The following MUL1 variants were observed in gnomAD, a reference collection of about 807,000 sequenced individuals.
MUL1 encodes the protein mitochondrial E3 ubiquitin protein ligase 1, also known as mitochondrial ubiquitin ligase activator of NFKB 1.
A neutral mutation model predicts 34.1 loss-of-function variants in MUL1; 30 were observed. The ratio of observed to expected loss-of-function variants is 0.88; its 90% CI spans 0.66 to 1.19. MUL1 has a LOEUF of 1.19. Among genes scored for constraint, MUL1 ranks in the 50% most tolerant of loss-of-function variants. MUL1 has a pLI of 0.00. For synonymous variants in MUL1, 191 were observed against 187.8 expected, an observed-to-expected ratio of 1.02 and a Z score of -0.14; for missense variants, 419 against 450.5, an observed-to-expected ratio of 0.93 and a Z score of 0.63.
At position 20,501,477 on chromosome 1, in the gene MUL1, A is replaced by G. The variant is rs112738588; in HGVS notation, c.330-58T>C. 703 of 1,544,384 alleles carry G rather than the reference A, an allele frequency of 4.6e-4. 6 individuals are homozygous for G. The African/African-American group carries it at 8.4e-3, about 18-fold the overall frequency. ...AGCAAACAGCAAACACCCAGGCAGAACTGGAGATCAACTAAATGTGGAGGA... is the reference window on the plus strand; with the variant it reads ...AGCAAACAGCAAACACCCAGGCAGAGCTGGAGATCAACTAAATGTGGAGGA... On this transcript the variant is annotated intron_variant, in intron 3 of 3. Transcript: ENST00000264198. This position sits in a 1 kb window ranked among gnomAD's most constrained non-coding sequence, Gnocchi z 4.2.
Position 20,501,379 on chromosome 1 carries a change from C to A in MUL1, c.370G>T (p.Val124Leu). The A allele has an allele frequency of 2.5e-6, 4 of 1,614,064 alleles. No homozygotes were observed. The highest frequency in any genetic ancestry group is 3.4e-6 in the Non-Finnish European group (4 of 1,180,020). The change falls in exon 4 of 4, where the codon GTG (valine) becomes TTG (leucine). Residue 124 changes from valine (V) to leucine (L), a missense_variant. Coordinates refer to ENST00000264198, the MANE Select transcript of MUL1 (RefSeq NM_024544.3). This position sits in a 1 kb window ranked among gnomAD's most constrained non-coding sequence, Gnocchi z 4.2. ...SKIIHQRTNT[V>L]PFDLVPHEDG... ...TCGTGGGGCACCAGGTCAAAGGGCA[C>A]TGTGTTGGTCCTCTGATGAATGATC...
chr1:20,506,064 G>T (rs1393898476), intron 1 of MUL1, among the ~76,000 whole-genome samples: 1 of 152,146 alleles, frequency 6.6e-6, no homozygotes, highest in East Asian at 1.9e-4. Context: ...GCAGGGACTG[G>T]AGTTCACACA....
At position 20,501,832 on chromosome 1, in the gene MUL1, G is replaced by A. The variant is rs1160300318; in HGVS notation, c.329+237C>T. 6.6e-6 allele frequency among the ~76,000 whole-genome samples: 1 copy of A among 152,170 alleles called. No homozygotes were observed. Among genetic ancestry groups the A allele is most frequent in the East Asian group, 1.9e-4 (1 of 5,196 alleles). On this transcript the variant is annotated intron_variant, in intron 3 of 3. Coordinates refer to ENST00000264198, the MANE Select transcript of MUL1 (RefSeq NM_024544.3). The surrounding 1 kb of genome is among the most constrained non-coding windows in gnomAD (Gnocchi z 4.2). ...AATTCTGGTTGGATAAGTCACCAGG[G>A]ACTGACTTATCCACTTCAGGGACTG...
chr1:20,504,756 A>C (rs1361982387), intron 1 of MUL1, among the ~76,000 whole-genome samples: 3 of 152,244 alleles, frequency 2.0e-5, no homozygotes, highest in African/African-American at 7.2e-5. Flanking sequence ...CAAGCATTTA[A>C]TACATTATTT....
chr1:20,507,288 A>G (rs905997779), intron 1 of MUL1, among the ~76,000 whole-genome samples: 9 of 152,244 alleles, frequency 5.9e-5, no homozygotes, highest in African/African-American at 2.2e-4. Context: ...AAAAAGCGCC[A>G]TTTATAAAAA....
rs1221722282 is a variant in MUL1, at chr1:20,502,108, T to C, written c.290A>G (p.Gln97Arg). The change falls in exon 3 of 4, where the codon CAG becomes CGG. Residue 97 changes from glutamine (Q) to arginine (R), a missense_variant. Physicochemically the swap from Gln to Arg is conservative, Grantham distance 43. Coordinates refer to ENST00000264198, the MANE Select transcript of MUL1 (RefSeq NM_024544.3). ...TCGATTCCACACCATCTTGTGCTCC[T>C]GAAGTGTCAGCCGCTGAATTACCCC... ...CKGVIQRLTL[Q>R]EHKMVWNRTT... 1.2e-6 allele frequency: 2 copies of C among 1,613,972 alleles called. No homozygotes were observed. The highest frequency in any genetic ancestry group is 1.3e-5 in the African/African-American group (1 of 74,922).
chr1:20,505,198 G>A (rs1259859898), intron 1 of MUL1, among the ~76,000 whole-genome samples: 1 of 152,130 alleles, frequency 6.6e-6, no homozygotes, highest in Non-Finnish European at 1.5e-5. Context: ...TGGCACATAG[G>A]AGGCACGCAA....
intron 1 of MUL1, among the ~76,000 whole-genome samples, chr1:20,505,582 CAAAAAAA>C (rs11338654): frequency 5.2e-5 from 3 of 57,158 alleles, no homozygotes; most frequent in African/African-American, 1.5e-4. Context: ...GACCATGTCT[CAAAAAAA>C]AAAAAAAAAA....
At chr1:20,506,855 A>AAAAAAG (rs1283026616) in intron 1 of MUL1, among the ~76,000 whole-genome samples, 2 of 148,700 alleles carry the variant, frequency 1.3e-5, no homozygotes, top group Admixed American at 6.6e-5. Flanking sequence ...GTCTCAAAAA[A>AAAAAAG]AAAAAGAAAA....
In MUL1 at chr1:20,502,046, G is replaced by A. The variant is rs1357300283; in HGVS notation, c.329+23C>T. On this transcript the variant is annotated intron_variant, in intron 3 of 3. Coordinates refer to ENST00000264198, the MANE Select transcript of MUL1 (RefSeq NM_024544.3). ...GAATAGACCAACTGCAAGGGTTTTGGCCAGTGGAGAAGTGATACATACCAA... is the reference window on the plus strand; with the variant it reads ...GAATAGACCAACTGCAAGGGTTTTGACCAGTGGAGAAGTGATACATACCAA... The A allele has an allele frequency of 4.3e-6, 7 of 1,612,398 alleles. No individual in the cohort carries two copies. The African/African-American group carries it at 9.3e-5, about 22-fold the overall frequency.
Position 20,500,665 on chromosome 1 carries a change from G to T in MUL1, c.*25C>A. ...GAAAAGGGGGCAGGGGTGCTTCCAG[G>T]TCAAGCTGTGCGGCTTCCAAACTAT... On this transcript the variant is annotated 3_prime_UTR_variant, in exon 4 of 4. Transcript: ENST00000264198. 1 of 1,531,436 alleles carries T rather than the reference G, an allele frequency of 6.5e-7. No individual in the cohort carries two copies. The allele number at this position is 1,531,436 out of a possible 1,614,324, so 94.9% of individuals were successfully genotyped here.
intron 1 of MUL1, among the ~76,000 whole-genome samples, chr1:20,505,825 TA>T (rs1404310870): frequency 3.9e-5 from 6 of 152,274 alleles, no homozygotes; most frequent in African/African-American, 1.4e-4. Flanking sequence ...AGATGAGACC[TA>T]AAGAGTTCAC....
chr1:20,501,464 A>T lies in MUL1; in HGVS notation c.330-45T>A. 6.4e-7 allele frequency: 1 copy of T among 1,570,218 alleles called. No homozygotes were observed. Among genetic ancestry groups the T allele is most frequent in the Non-Finnish European group, 8.6e-7 (1 of 1,157,124 alleles). Reference sequence around the variant, plus strand: ...AAAGATACAGGGTAGCAAACAGCAAACACCCAGGCAGAACTGGAGATCAAC... The same window carrying T: ...AAAGATACAGGGTAGCAAACAGCAATCACCCAGGCAGAACTGGAGATCAAC... On this transcript the variant is annotated intron_variant, in intron 3 of 3. Transcript: ENST00000264198. The surrounding 1 kb of genome is among the most constrained non-coding windows in gnomAD (Gnocchi z 4.2).
intron 1 of MUL1, among the ~76,000 whole-genome samples, chr1:20,506,173 C>A (rs2051711914): frequency 6.6e-6 from 1 of 152,082 alleles, no homozygotes; most frequent in African/African-American, 2.4e-5. Context: ...TGAAAACAAT[C>A]TGATAATTAA....
In MUL1 at chr1:20,501,963, T is replaced by G. The variant is rs2051665926; in HGVS notation, c.329+106A>C. On this transcript the variant is annotated intron_variant, in intron 3 of 3. Coordinates refer to ENST00000264198, the MANE Select transcript of MUL1 (RefSeq NM_024544.3). The surrounding 1 kb of genome is among the most constrained non-coding windows in gnomAD (Gnocchi z 4.2). ...ATGACCTGCATTAAGAGACTGGGCT[T>G]CAACCTGTCTCAGGAGAAGCTGAAG... 1 of 1,447,202 alleles carries G rather than the reference T, an allele frequency of 6.9e-7. No individual in the cohort carries two copies. Among genetic ancestry groups the G allele is most frequent in the African/African-American group, 1.4e-5 (1 of 71,414 alleles). 89.6% of individuals were successfully genotyped at this position (1,447,202 alleles called of 1,614,324 possible).
intron 1 of MUL1, among the ~76,000 whole-genome samples, chr1:20,505,324 C>T (rs962645583): frequency 1.3e-5 from 2 of 152,050 alleles, no homozygotes; most frequent in Non-Finnish European, 2.9e-5. Flanking sequence ...GTAGCTCACA[C>T]CTGTAATCCC....
intron 1 of MUL1, among the ~76,000 whole-genome samples, chr1:20,507,298 A>T (rs1016752779): frequency 2.6e-5 from 4 of 152,258 alleles, no homozygotes; most frequent in African/African-American, 9.6e-5. Context: ...ATTTATAAAA[A>T]TAGTTGTAAT....
In MUL1 at chr1:20,500,627, G is replaced by A. The variant is rs2101114287; in HGVS notation, c.*63C>T. On this transcript the variant is annotated 3_prime_UTR_variant, in exon 4 of 4. Transcript: ENST00000264198. Reference sequence around the variant, plus strand: ...ACCACTGCTCCTCCAAAGGCCTCGAGATAAAAATCCCTGAAAAGGGGGCAG... The same window carrying A: ...ACCACTGCTCCTCCAAAGGCCTCGAAATAAAAATCCCTGAAAAGGGGGCAG... 5 of 1,513,326 alleles carry A rather than the reference G, an allele frequency of 3.3e-6. No individual in the cohort carries two copies. The highest frequency in any genetic ancestry group is 4.4e-6 in the Non-Finnish European group (5 of 1,132,848). The allele number at this position is 1,513,326 out of a possible 1,614,324, so 93.7% of individuals were successfully genotyped here. A position where few individuals can be genotyped will look rare whatever the true frequency, so the allele number is the denominator to read the frequency against.
rs2051684822 is a variant in MUL1 at position 20,503,495 on chromosome 1, C to T, written c.121-186G>A. On this transcript the variant is annotated intron_variant, in intron 1 of 3. Coordinates refer to ENST00000264198, the MANE Select transcript of MUL1 (RefSeq NM_024544.3). Reference sequence around the variant, plus strand: ...GTACATCAACAGGAATGGAGCCATGCCTCTGCCTCTTCCATCACTGCAGAA... The same window carrying T: ...GTACATCAACAGGAATGGAGCCATGTCTCTGCCTCTTCCATCACTGCAGAA... Among the ~76,000 whole-genome samples the T allele has an allele frequency of 1.3e-5, 2 of 152,188 alleles. 1 individual carries two copies. Among genetic ancestry groups the T allele is most frequent in the South Asian group, 4.1e-4 (2 of 4,832 alleles).
Sources: allele counts gnomAD v4.1 joint callset (sites outside exome capture counted in the v4.1 genomes callset), GRCh38; gene constraint gnomAD v4.1.1; non-coding constraint Gnocchi (gnomAD v3.1); transcripts MANE v1.5; gene names NCBI Gene and HGNC (gene_info 2026-07-23, HGNC 2026-07-21).